The following PDE4D variants were observed in gnomAD, a reference collection of about 807,000 sequenced individuals.
The protein encoded by PDE4D is 3',5'-cyclic-AMP phosphodiesterase 4D.
PDE4D carries 24 observed loss-of-function variants against 87.4 expected under a neutral mutation model. That is an observed-to-expected ratio of 0.27 (90% CI 0.20 to 0.39). The LOEUF (loss-of-function observed/expected upper bound fraction) is 0.39. Ranked by LOEUF, PDE4D falls within the 10% of genes least tolerant of loss-of-function variation. The probability of loss-of-function intolerance (pLI) is 1.00; values close to 1 mark genes in which losing one functional copy is unlikely to be tolerated. For synonymous variants in PDE4D, 384 were observed against 383.2 expected (o/e 1.00, Z -0.02); for missense variants, 714 against 1,041.0 (o/e 0.69, Z 4.32).
chr5:59,187,193 G>A (rs1381245939), intron 3 of PDE4D, among the ~76,000 whole-genome samples: 4 of 152,054 alleles, frequency 2.6e-5, no homozygotes, highest in South Asian at 2.1e-4. Context: ...AGAAAAATTA[G>A]TTCATCAAAG....
chr5:59,360,023 C>CT (rs1562028877), intron 1 of PDE4D, among the ~76,000 whole-genome samples: 1 of 152,090 alleles, frequency 6.6e-6, no homozygotes, highest in Non-Finnish European at 1.5e-5. Context: ...AATAAGGCAT[C>CT]GTTTTTGCCT....
chr5:59,037,005 ATT>A (rs5868152), intron 6 of PDE4D, among the ~76,000 whole-genome samples: 13 of 151,046 alleles, frequency 8.6e-5, no homozygotes, highest in African/African-American at 3.2e-4. Flanking sequence ...CATAATAAAG[ATT>A]TTTTTTTTAA....
intron 3 of PDE4D, among the ~76,000 whole-genome samples, chr5:59,968,252 G>GGGATTA (rs70975354): frequency 0.34 from 51,329 of 151,332 alleles, 10,740 homozygotes; most frequent in East Asian, 0.73. Context: ...CCAAAGTGCT[G>GGGATTA]GGATTACAGG....
At chr5:60,354,669 C>T (rs1370374137) in intron 1 of PDE4D, among the ~76,000 whole-genome samples, 2 of 152,122 alleles carry the variant, frequency 1.3e-5, no homozygotes, top group African/African-American at 4.8e-5. Context: ...GAGGTTGGGG[C>T]ATTCTGAACC....
intron 1 of PDE4D, among the ~76,000 whole-genome samples, chr5:59,258,113 C>T (rs1458610021): frequency 1.3e-5 from 2 of 152,024 alleles, no homozygotes; most frequent in African/African-American, 4.8e-5. Flanking sequence ...GATAGCCTTT[C>T]TGCTCCTCAT....
At chr5:60,023,069 C>CTCCTCT (rs1561990461) in intron 2 of PDE4D, among the ~76,000 whole-genome samples, 1 of 152,142 alleles carries the variant, frequency 6.6e-6, no homozygotes, top group Non-Finnish European at 1.5e-5. Flanking sequence ...GGAGCAAAAC[C>CTCCTCT]TCCTTCTTTG....
At chr5:59,912,543 C>T (rs536893494) in intron 3 of PDE4D, among the ~76,000 whole-genome samples, 21 of 152,220 alleles carry the variant, frequency 1.4e-4, no homozygotes, top group African/African-American at 2.9e-4. Context: ...TGAAGACTTA[C>T]GACAATTAGA....
chr5:59,465,363 T>A (rs1438700567), intron 1 of PDE4D, among the ~76,000 whole-genome samples: 1 of 152,126 alleles, frequency 6.6e-6, no homozygotes, highest in Non-Finnish European at 1.5e-5. Flanking sequence ...GGAACACATA[T>A]CCATACATGT....
intron 1 of PDE4D, among the ~76,000 whole-genome samples, chr5:59,828,388 C>T (rs990777878): frequency 1.2e-4 from 18 of 151,940 alleles, no homozygotes; most frequent in East Asian, 1.9e-4. Flanking sequence ...CTAAAGATGA[C>T]TAAAAAGAAA....
intron 3 of PDE4D, among the ~76,000 whole-genome samples, chr5:59,932,165 A>T (rs543524985): frequency 6.6e-6 from 1 of 152,214 alleles, no homozygotes; most frequent in African/African-American, 2.4e-5. Flanking sequence ...CATAGCCATC[A>T]CGACTTTTAT....
intron 1 of PDE4D, among the ~76,000 whole-genome samples, chr5:59,673,099 A>G (rs949309914): frequency 6.6e-6 from 1 of 152,208 alleles, no homozygotes; most frequent in African/African-American, 2.4e-5. Context: ...ACGAGTGTAT[A>G]TCTTTGATCA....
chr5:60,020,540 C>T (rs534925544), intron 2 of PDE4D, among the ~76,000 whole-genome samples: 1 of 152,008 alleles, frequency 6.6e-6, no homozygotes, highest in South Asian at 2.1e-4. Context: ...TATACATATA[C>T]ACACACACAG....
At chr5:60,241,063 T>C (rs1394385580) in intron 1 of PDE4D, among the ~76,000 whole-genome samples, 2 of 152,070 alleles carry the variant, frequency 1.3e-5, no homozygotes, top group Admixed American at 6.6e-5. Context: ...GAAACAGATA[T>C]ATGTGACCTT....
chr5:59,109,940 G>A (rs760404592), intron 5 of PDE4D, among the ~76,000 whole-genome samples: 6 of 152,148 alleles, frequency 3.9e-5, no homozygotes, highest in Non-Finnish European at 5.9e-5. Context: ...CTTGCCTTGT[G>A]CTGCCCATGG....
At chr5:59,534,130 G>A (rs1406690233) in intron 1 of PDE4D, among the ~76,000 whole-genome samples, 1 of 152,050 alleles carries the variant, frequency 6.6e-6, no homozygotes, top group Admixed American at 6.5e-5. Context: ...CATGTTAATT[G>A]AAATCTAGCT....
chr5:60,173,536 G>A lies in PDE4D; in HGVS notation c.42+12021C>T, dbSNP rs1783660962. ...TTATTCCTCACAAATAATGAATTAT[G>A]AATGATGGCTGTAACAGAAATTACA... On this transcript the variant is annotated intron_variant, in intron 2 of 16. Transcript: ENST00000502484. 2.6e-5 allele frequency among the ~76,000 whole-genome samples: 4 copies of A among 151,770 alleles called. No homozygotes were observed. In the South Asian group the frequency reaches 8.3e-4, roughly 32 times the overall value.
chr5:59,695,767 A>C (rs562079101), intron 1 of PDE4D, among the ~76,000 whole-genome samples: 1 of 151,768 alleles, frequency 6.6e-6, no homozygotes, highest in African/African-American at 2.4e-5. Context: ...ACACCTGGCT[A>C]ATTTTTTGTT....
chr5:59,934,854 G>C (rs114190246), intron 3 of PDE4D, among the ~76,000 whole-genome samples: 1 of 152,238 alleles, frequency 6.6e-6, no homozygotes, highest in Non-Finnish European at 1.5e-5. Flanking sequence ...CAGGATTCAG[G>C]CAAACTTAAG....
chr5:59,905,571 T>C (rs1752725757), intron 3 of PDE4D, among the ~76,000 whole-genome samples: 1 of 152,148 alleles, frequency 6.6e-6, no homozygotes, highest in Non-Finnish European at 1.5e-5. Context: ...TCTAGATGTG[T>C]AACCACAGAT....
Sources: allele counts gnomAD v4.1 joint callset (sites outside exome capture counted in the v4.1 genomes callset), GRCh38; gene constraint gnomAD v4.1.1; transcripts MANE v1.5; gene names NCBI Gene and HGNC (gene_info 2026-07-23, HGNC 2026-07-21).